The following C12orf42 variants were observed in gnomAD, a reference collection of about 807,000 sequenced individuals.
C12orf42 encodes the protein chromosome 12 open reading frame 42.
C12orf42 carries 25 observed loss-of-function variants against 21.6 expected under a neutral mutation model. The ratio of observed to expected loss-of-function variants is 1.16; its 90% CI spans 0.84 to 1.62. The LOEUF (loss-of-function observed/expected upper bound fraction) is 1.62, where lower values mean the gene tolerates loss of function less well. C12orf42 is among the 40% of genes most tolerant of loss of function. C12orf42 has a pLI of 0.00. For synonymous variants in C12orf42, 174 were observed against 175.0 expected (o/e 0.99, Z 0.05); for missense variants, 483 against 459.3 (o/e 1.05, Z -0.47).
chr12:103,205,420 C>T, the C12orf42 span, among the ~76,000 whole-genome samples: 1 of 152,232 alleles, frequency 6.6e-6, no homozygotes, highest in African/African-American at 2.4e-5. Flanking sequence ...GGGGAACTCC[C>T]CTTTATAAAG....
the C12orf42 span, among the ~76,000 whole-genome samples, chr12:103,069,888 G>A: frequency 1.3e-5 from 2 of 152,160 alleles, no homozygotes; most frequent in African/African-American, 4.8e-5. Context: ...ATAAGGGCAG[G>A]TTTCCTGATA....
chr12:103,275,791 T>C (rs2136283507), intron 5 of C12orf42, among the ~76,000 whole-genome samples: 1 of 152,186 alleles, frequency 6.6e-6, no homozygotes, highest in African/African-American at 2.4e-5. Context: ...AACTTTTTTT[T>C]TAAAATCCAT....
chr12:103,168,139 G>A, the C12orf42 span: 1 of 455,082 alleles, frequency 2.2e-6, no homozygotes, highest in East Asian at 7.0e-5. Context: ...ACATTAAGAG[G>A]CAAGACCCAG....
the C12orf42 span, among the ~76,000 whole-genome samples, chr12:103,083,185 C>T: frequency 1.6e-4 from 25 of 152,094 alleles, no homozygotes; most frequent in Admixed American, 3.9e-4. Flanking sequence ...ACCAACATGG[C>T]GAAACCCCGT....
chr12:103,295,891 T>C (rs1220801480), intron 4 of C12orf42, among the ~76,000 whole-genome samples: 4 of 152,100 alleles, frequency 2.6e-5, no homozygotes, highest in Non-Finnish European at 5.9e-5. Context: ...TACTTTAAGT[T>C]CTAGGGTACA....
chr12:103,145,460 T>A, the C12orf42 span, among the ~76,000 whole-genome samples: 1 of 152,172 alleles, frequency 6.6e-6, no homozygotes, highest in Admixed American at 6.5e-5. Flanking sequence ...TTGACCAACA[T>A]AAAAATAGAA....
chr12:103,484,870 T>G (rs908761605), intron 1 of C12orf42, among the ~76,000 whole-genome samples: 1 of 140,668 alleles, frequency 7.1e-6, no homozygotes, highest in Non-Finnish European at 1.5e-5. Context: ...TCAGTTTTTT[T>G]TTTTTTTTTT....
At chr12:103,110,220 C>T in the C12orf42 span, among the ~76,000 whole-genome samples, 2 of 152,058 alleles carry the variant, frequency 1.3e-5, no homozygotes, top group South Asian at 4.2e-4. Context: ...ATAAAAAAAT[C>T]AGAGAAAGAG....
the C12orf42 span, among the ~76,000 whole-genome samples, chr12:103,225,054 C>T: frequency 6.6e-6 from 1 of 152,150 alleles, no homozygotes; most frequent in Non-Finnish European, 1.5e-5. Context: ...TGCGGCAGTA[C>T]AGCCTAGGTA....
chr12:103,502,431 G>A, the C12orf42 span, among the ~76,000 whole-genome samples: 1 of 152,146 alleles, frequency 6.6e-6, no homozygotes, highest in Admixed American at 6.6e-5. Context: ...GAATGGTGTG[G>A]TTTGGACACT....
the C12orf42 span, among the ~76,000 whole-genome samples, chr12:103,509,875 G>A: frequency 6.6e-5 from 10 of 152,136 alleles, no homozygotes; most frequent in African/African-American, 2.2e-4. Context: ...GCAGGGATGC[G>A]GTGAAAAGGG....
At chr12:103,214,500 C>T in the C12orf42 span, among the ~76,000 whole-genome samples, 10 of 152,272 alleles carry the variant, frequency 6.6e-5, no homozygotes, top group South Asian at 6.2e-4. Context: ...TATCCCCGCA[C>T]GGAGATCTGG....
the C12orf42 span, among the ~76,000 whole-genome samples, chr12:103,543,385 G>T: frequency 6.6e-6 from 1 of 152,172 alleles, no homozygotes; most frequent in Non-Finnish European, 1.5e-5. Flanking sequence ...GAGGCAGGAG[G>T]ATTGCTTGAG....
At chr12:103,352,221 T>C (rs776561547) in intron 4 of C12orf42, among the ~76,000 whole-genome samples, 1 of 152,118 alleles carries the variant, frequency 6.6e-6, no homozygotes, top group Non-Finnish European at 1.5e-5. Context: ...CTGGTGAGGG[T>C]AGAATTCTCC....
chr12:103,514,444 A>G, the C12orf42 span, among the ~76,000 whole-genome samples: 17,316 of 152,114 alleles, frequency 0.11, 1,151 homozygotes, highest in South Asian at 0.29. Context: ...AGCTAATGCA[A>G]AAGCTCCAGG....
the C12orf42 span, among the ~76,000 whole-genome samples, chr12:103,062,921 T>A: frequency 6.6e-6 from 1 of 152,214 alleles, no homozygotes; most frequent in East Asian, 1.9e-4. Flanking sequence ...TGCGTTTTTT[T>A]ATGCCGTTGG....
At chr12:103,403,579 A>G (rs1043741146) in intron 2 of C12orf42, among the ~76,000 whole-genome samples, 1 of 152,178 alleles carries the variant, frequency 6.6e-6, no homozygotes, top group African/African-American at 2.4e-5. Context: ...TGTTCTGCCC[A>G]TCGTCCTCTG....
At chr12:103,355,429 C>T (rs565251740) in intron 4 of C12orf42, among the ~76,000 whole-genome samples, 1 of 152,256 alleles carries the variant, frequency 6.6e-6, no homozygotes, top group Admixed American at 6.5e-5. Context: ...AGATGTCATA[C>T]ATTTTGGCTG....
At chr12:103,192,651 T>C in the C12orf42 span, among the ~76,000 whole-genome samples, 37 of 151,788 alleles carry the variant, frequency 2.4e-4, no homozygotes, top group Middle Eastern at 6.9e-3. Flanking sequence ...AGAGACAAAA[T>C]AGGTCATTAC....
Sources: gnomAD v4.1 joint callset for allele counts (sites outside exome capture counted in the v4.1 genomes callset) on GRCh38, gnomAD v4.1.1 for gene constraint, MANE v1.5 for transcripts, NCBI Gene and HGNC (gene_info 2026-07-23, HGNC 2026-07-21) for gene names.